The following DGCR8 variants were observed in gnomAD, a reference collection of about 807,000 sequenced individuals.
The protein encoded by DGCR8 is microprocessor complex subunit DGCR8.
In DGCR8, 14 loss-of-function variants were observed where a neutral mutation model predicts 78.5. That is an observed-to-expected ratio of 0.18 (90% CI 0.12 to 0.28). The LOEUF is 0.28. Among genes scored for constraint, DGCR8 ranks in the 10% least tolerant of loss-of-function variants. The pLI is 1.00. For synonymous variants in DGCR8, 399 were observed against 402.4 expected (o/e 0.99, Z 0.10); for missense variants, 702 against 1,022.5 (o/e 0.69, Z 4.28).
At chr22:20,082,972 G>C (rs2049434987) in intron 1 of DGCR8, among the ~76,000 whole-genome samples, 1 of 152,186 alleles carries the variant, frequency 6.6e-6, no homozygotes, top group Non-Finnish European at 1.5e-5. Context: ...CAGCAGCCTG[G>C]GAGGACCAGC....
At chr22:20,106,518 C>G in intron 10 of DGCR8, 74 bp from the exon 11 acceptor site, 1 of 1,144,844 alleles carries the variant, frequency 8.7e-7, no homozygotes, top group Non-Finnish European at 1.3e-6. Flanking sequence ...AAGGGCTTCC[C>G]AGAGCAGGCC....
intron 13 of DGCR8, chr22:20,109,245 G>T (rs2049806235): frequency 2.5e-6 from 1 of 406,152 alleles, no homozygotes. Flanking sequence ...GACCATGAAG[G>T]TCACAGTCTT....
At chr22:20,100,931 C>A in intron 9 of DGCR8, 2 of 675,936 alleles carry the variant, frequency 3.0e-6, no homozygotes, top group Non-Finnish European at 3.7e-6. Context: ...CCCTGCCACC[C>A]GGCACAGGAC....
At chr22:20,107,243 T>C in intron 11 of DGCR8, 28 bp from the exon 12 acceptor site, 1 of 1,613,872 alleles carries the variant, frequency 6.2e-7, no homozygotes, top group Non-Finnish European at 8.5e-7. Flanking sequence ...TGTGACCCCC[T>C]CTCCATGCTT....
intron 8 of DGCR8, among the ~76,000 whole-genome samples, chr22:20,093,372 T>C (rs1192124535): frequency 1.3e-5 from 2 of 151,268 alleles, no homozygotes; most frequent in African/African-American, 4.9e-5. Flanking sequence ...GCCACTGCAC[T>C]CCAGCCTGGG....
rs929164181 is a variant in DGCR8 at position 20,106,192 on chromosome 22, A to G, written c.1804A>G (p.Ser602Gly). Residue 602 changes from serine to glycine, a missense_variant, in exon 10 of 14, where the codon AGC becomes GGC. Physicochemically the swap from Ser to Gly is moderately conservative, Grantham distance 56 (BLOSUM62 0). This residue lies in a region of DGCR8 where 225 missense variants were observed against 427.7 expected (regional missense o/e 0.53). Transcript: ENST00000351989. ...TGTGTTGTAGTATTTTAACCACATCAGCATCGAGGACTCGCGGGTCTACGA... is the reference window on the plus strand; with the variant it reads ...TGTGTTGTAGTATTTTAACCACATCGGCATCGAGGACTCGCGGGTCTACGA... ...SEELEYFNHI[S>G]IEDSRVYELT... is the part of the protein sequence containing the mutation. 30 of 1,613,862 alleles carry G rather than the reference A, an allele frequency of 1.9e-5. No homozygotes were observed. The highest frequency in any genetic ancestry group is 2.5e-5 in the Non-Finnish European group (29 of 1,180,002).
intron 13 of DGCR8, among the ~76,000 whole-genome samples, chr22:20,109,722 A>G (rs79989360): frequency 0.09 from 13,736 of 152,242 alleles, 877 homozygotes; most frequent in African/African-American, 0.18. Flanking sequence ...GGAACACCCA[A>G]TGGGGAGGCC....
chr22:20,096,043 T>A (rs1344414021), intron 9 of DGCR8, among the ~76,000 whole-genome samples: 1 of 152,166 alleles, frequency 6.6e-6, no homozygotes, highest in African/African-American at 2.4e-5. Flanking sequence ...TAAGCTTCAC[T>A]TGCTCACTTA....
chr22:20,084,908 A>G (rs1568951188), intron 1 of DGCR8: 1 of 917,112 alleles, frequency 1.1e-6, no homozygotes, highest in Non-Finnish European at 1.3e-6. Context: ...TACTTGTGGC[A>G]TGAGAGTCGC....
chr22:20,082,454 G>A (rs2049429615), intron 1 of DGCR8, among the ~76,000 whole-genome samples: 1 of 151,730 alleles, frequency 6.6e-6, no homozygotes, highest in African/African-American at 2.4e-5. Context: ...TGTAAGCTTC[G>A]CCTCCTGGGT....
At chr22:20,107,485 C>G (rs2049784446) in intron 12 of DGCR8, 87 bp downstream of exon 12, 10 of 1,529,842 alleles carry the variant, frequency 6.5e-6, no homozygotes, top group Middle Eastern at 4.5e-4. Flanking sequence ...GGGGGCAGAG[C>G]TGGGCAGCTC....
intron 9 of DGCR8, among the ~76,000 whole-genome samples, chr22:20,102,304 C>G (rs74508926): frequency 6.4e-4 from 97 of 152,308 alleles, no homozygotes; most frequent in African/African-American, 2.3e-3. Context: ...TCCTGAATGT[C>G]CTCTTAGTGG....
In DGCR8 at chr22:20,085,133, C is replaced by A; in HGVS notation, c.-277-554C>A. On this transcript the variant is annotated intron_variant, in intron 1 of 13. Transcript: ENST00000351989. The surrounding 1 kb of genome is among the most constrained non-coding windows in gnomAD (Gnocchi z 6.2). ...CAGCACGCTGCATCACTGTCCCCGT[C>A]CACGTGCTACCCTGTGGGCCCAGGA... is the stretch of plus-strand genomic sequence containing the variant. 1.3e-6 allele frequency: 1 copy of A among 773,334 alleles called. No homozygotes were observed. Among genetic ancestry groups the A allele is most frequent in the Non-Finnish European group, 1.6e-6 (1 of 635,900 alleles). The allele number at this position is 773,334 out of a possible 1,614,324, so 47.9% of individuals were successfully genotyped here.
intron 1 of DGCR8, among the ~76,000 whole-genome samples, chr22:20,082,370 T>G (rs145146571): frequency 5.6e-4 from 84 of 150,982 alleles, no homozygotes; most frequent in African/African-American, 2.0e-3. Flanking sequence ...ACAGAGTGAT[T>G]CTTTTTATTT....
At chr22:20,102,410 C>T (rs1013114639) in intron 9 of DGCR8, among the ~76,000 whole-genome samples, 14 of 152,192 alleles carry the variant, frequency 9.2e-5, no homozygotes, top group African/African-American at 3.4e-4. Context: ...TGCTGGCCAC[C>T]AGGTGGCTGT....
At chr22:20,080,422 G>T (rs1370294356) in intron 1 of DGCR8, 39 bp downstream of exon 1, 1 of 978,634 alleles carries the variant, frequency 1.0e-6, no homozygotes, top group African/African-American at 1.8e-5. Flanking sequence ...GGGCGGTTGG[G>T]CGGGCGCCGC....
chr22:20,090,054 A>G lies in DGCR8; in HGVS notation c.1102A>G (p.Ser368Gly), dbSNP rs2049534237. 6.2e-7 allele frequency: 1 copy of G among 1,614,244 alleles called. No homozygotes were observed. Among genetic ancestry groups the G allele is most frequent in the Non-Finnish European group, 8.5e-7 (1 of 1,180,050 alleles). The part of the protein sequence containing the change: ...MKDNEEREQS[S>G]DLTPSGDVSP... Reference sequence around the variant, plus strand: ...GGACAACGAGGAACGGGAGCAAAGCAGTGACCTCACCCCTAGTGGGGATGT... The same window carrying G: ...GGACAACGAGGAACGGGAGCAAAGCGGTGACCTCACCCCTAGTGGGGATGT... The change falls in exon 5 of 14, where the codon AGT becomes GGT. Residue 368 changes from serine to glycine, a missense_variant. Ser to Gly is a moderately conservative substitution (Grantham distance 56, BLOSUM62 0). Transcript: ENST00000351989.
In DGCR8 at chr22:20,086,878, A is replaced by C. The variant is rs1338564585; in HGVS notation, c.720+195A>C. On this transcript the variant is annotated intron_variant, in intron 2 of 13. Transcript: ENST00000351989. The surrounding 1 kb of genome is among the most constrained non-coding windows in gnomAD (Gnocchi z 6.4). ...CAGATTTTTAAAGTTTCCTAATGAAAAGTTTGGCCCATGGGTAGGCCCTGC... is the reference window on the plus strand; with the variant it reads ...CAGATTTTTAAAGTTTCCTAATGAACAGTTTGGCCCATGGGTAGGCCCTGC... The C allele has an allele frequency of 6.0e-6, 5 of 831,692 alleles. No homozygotes were observed. The highest frequency in any genetic ancestry group is 9.0e-6 in the Non-Finnish European group (5 of 555,518). The allele number at this position is 831,692 out of a possible 1,614,324, so 51.5% of individuals were successfully genotyped here.
At chr22:20,102,793 C>T (rs2049718878) in intron 9 of DGCR8, among the ~76,000 whole-genome samples, 1 of 152,156 alleles carries the variant, frequency 6.6e-6, no homozygotes, top group Admixed American at 6.5e-5. Context: ...TATTCTAGCT[C>T]CTTTGCTGTT....
Sources: allele counts gnomAD v4.1 joint callset (sites outside exome capture counted in the v4.1 genomes callset), GRCh38; gene constraint gnomAD v4.1.1; regional missense constraint gnomAD v4.1.1; non-coding constraint Gnocchi (gnomAD v3.1); transcripts MANE v1.5; gene names NCBI Gene and HGNC (gene_info 2026-07-23, HGNC 2026-07-21).